The following ELP3 variants were observed in gnomAD, a reference collection of about 807,000 sequenced individuals.
The protein encoded by ELP3 is elongator acetyltransferase complex subunit 3, also known as elongator complex protein 3.
In ELP3, 56 loss-of-function variants were observed where a neutral mutation model predicts 74.9. The observed-to-expected ratio is 0.75, with a 90% CI of 0.60 to 0.93. The LOEUF is 0.93. ELP3 is among the 40% of genes least tolerant of loss of function. The pLI is 0.00. For synonymous variants in ELP3, 222 were observed against 239.8 expected (o/e 0.93, Z 0.68); for missense variants, 573 against 686.5 (o/e 0.83, Z 1.85).
In ELP3 at chr8:28,148,528, G is replaced by C. The variant is rs528797688; in HGVS notation, c.1101-7414G>C. ...ACTAGACACATCCAGTGAGAATAAA[G>C]ACTTTCTAACTGGATACCATTAAGT... On this transcript the variant is annotated intron_variant, in intron 10 of 14. Transcript: ENST00000256398. 7.9e-5 allele frequency among the ~76,000 whole-genome samples: 12 copies of C among 152,274 alleles called. No individual in the cohort carries two copies. In the East Asian group the frequency reaches 2.3e-3, roughly 29 times the overall value.
intron 7 of ELP3, among the ~76,000 whole-genome samples, chr8:28,126,559 C>G (rs989721754): frequency 6.6e-6 from 1 of 152,150 alleles, no homozygotes; most frequent in African/African-American, 2.4e-5. Flanking sequence ...CCTTGTCTCT[C>G]GAGAAGTTGA....
intron 14 of ELP3, among the ~76,000 whole-genome samples, chr8:28,189,370 G>T (rs1815367233): frequency 6.6e-6 from 1 of 152,224 alleles, no homozygotes; most frequent in African/African-American, 2.4e-5. Flanking sequence ...CAACACACGG[G>T]TGCACACGTT....
At position 28,124,021 on chromosome 8, in the gene ELP3, G is replaced by A. The variant is rs181063749; in HGVS notation, c.618-5481G>A. ...TCTGTTAACATTTGATGTAATTATTGATACATCAGTTTAAGCTGATGGTTT... is the reference window on the plus strand; with the variant it reads ...TCTGTTAACATTTGATGTAATTATTAATACATCAGTTTAAGCTGATGGTTT... On this transcript the variant is annotated intron_variant, in intron 7 of 14. Coordinates refer to ENST00000256398, the MANE Select transcript of ELP3 (RefSeq NM_018091.6). 1.4e-4 allele frequency among the ~76,000 whole-genome samples: 21 copies of A among 151,814 alleles called. No individual in the cohort carries two copies. In the East Asian group the frequency reaches 4.1e-3, roughly 29 times the overall value.
intron 9 of ELP3, 131 bp downstream of exon 9, chr8:28,132,535 A>C (rs1177696527): frequency 8.4e-7 from 1 of 1,190,802 alleles, no homozygotes; most frequent in Admixed American, 2.2e-5. Context: ...GAATATTAGA[A>C]ACACAGTAGG....
At chr8:28,150,430 G>T (rs1437953361) in intron 10 of ELP3, among the ~76,000 whole-genome samples, 1 of 152,028 alleles carries the variant, frequency 6.6e-6, no homozygotes, top group Non-Finnish European at 1.5e-5. Context: ...GTCTGAGAAA[G>T]CCTTTTTCTC....
intron 10 of ELP3, among the ~76,000 whole-genome samples, chr8:28,148,238 T>G (rs1261714256): frequency 6.6e-6 from 1 of 151,952 alleles, no homozygotes; most frequent in Admixed American, 6.6e-5. Context: ...GACACAGGAG[T>G]CATCAGTCAA....
intron 9 of ELP3, among the ~76,000 whole-genome samples, chr8:28,135,801 G>A (rs571603859): frequency 6.6e-6 from 1 of 152,126 alleles, no homozygotes; most frequent in Non-Finnish European, 1.5e-5. Flanking sequence ...TTTCGTTACT[G>A]TCTCCTTTTG....
At chr8:28,101,590 C>CTTTT (rs11406521) in intron 3 of ELP3, among the ~76,000 whole-genome samples, 2 of 143,028 alleles carry the variant, frequency 1.4e-5, no homozygotes, top group East Asian at 4.1e-4. Flanking sequence ...TCTTGACTTT[C>CTTTT]TTTTTTTTTT....
At chr8:28,156,107 T>C in intron 11 of ELP3, 75 bp downstream of exon 11, 2 of 1,203,808 alleles carry the variant, frequency 1.7e-6, no homozygotes, top group Admixed American at 3.8e-5. Flanking sequence ...ACTTTGCCAC[T>C]ACCACCCCTA....
rs201540756 is a variant in ELP3, at chr8:28,107,972, A to T, written c.389A>T (p.Tyr130Phe). 6.2e-7 allele frequency: 1 copy of T among 1,613,278 alleles called. No individual in the cohort carries two copies. The highest frequency in any genetic ancestry group is 8.5e-7 in the Non-Finnish European group (1 of 1,179,434). Reference sequence around the variant, plus strand: ...TATTCCACCCAGTCTTACACTGGCTATGAGGTACAGTAACTTTGAGGCTGT... The same window carrying T: ...TATTCCACCCAGTCTTACACTGGCTTTGAGGTACAGTAACTTTGAGGCTGT... Reference protein sequence around the residue: ...FEYSTQSYTGYEPTSMRAIRA... With the variant: ...FEYSTQSYTGFEPTSMRAIRA... Residue 130 changes from tyrosine to phenylalanine, a missense_variant, in exon 5 of 15, where the codon TAT becomes TTT. Tyr to Phe is a conservative substitution (Grantham distance 22). Coordinates refer to ENST00000256398, the MANE Select transcript of ELP3 (RefSeq NM_018091.6).
At chr8:28,093,034 T>C (rs1811101564), upstream of ELP3, 2 of 990,164 alleles carry the variant, frequency 2.0e-6, no homozygotes, top group East Asian at 2.6e-5. Context: ...CCTGCTACCC[T>C]GTTAGTTGCA....
At chr8:28,153,998 CAGA>C (rs1455342165) in intron 10 of ELP3, among the ~76,000 whole-genome samples, 2 of 152,260 alleles carry the variant, frequency 1.3e-5, no homozygotes, top group Admixed American at 1.3e-4. Context: ...ACTAAGGATA[CAGA>C]GAGGAGCACT....
chr8:28,146,259 T>G (rs1299102491), intron 10 of ELP3, among the ~76,000 whole-genome samples: 2 of 152,200 alleles, frequency 1.3e-5, no homozygotes, highest in Non-Finnish European at 2.9e-5. Context: ...TGGAGCCATA[T>G]TAAACTGTTG....
chr8:28,104,227 T>A (rs1811600261), intron 3 of ELP3, among the ~76,000 whole-genome samples: 1 of 152,258 alleles, frequency 6.6e-6, no homozygotes, highest in Non-Finnish European at 1.5e-5. Context: ...TTAAGAGTTC[T>A]TTGTATATCT....
At chr8:28,172,083 G>A (rs1814551635) in intron 14 of ELP3, among the ~76,000 whole-genome samples, 1 of 152,086 alleles carries the variant, frequency 6.6e-6, no homozygotes, top group Non-Finnish European at 1.5e-5. Flanking sequence ...TGGGAAGTAT[G>A]AGTCTCCAAC....
At chr8:28,169,904 C>T (rs891059600) in intron 14 of ELP3, among the ~76,000 whole-genome samples, 3 of 152,038 alleles carry the variant, frequency 2.0e-5, no homozygotes, top group African/African-American at 4.8e-5. Flanking sequence ...CGCCATCCCT[C>T]GTGGGCCCAT....
chr8:28,152,721 G>A (rs1045045630), intron 10 of ELP3, among the ~76,000 whole-genome samples: 16 of 152,284 alleles, frequency 1.1e-4, no homozygotes, highest in South Asian at 2.1e-4. Context: ...CAGGAGAATC[G>A]CTTGAACCTG....
intron 9 of ELP3, among the ~76,000 whole-genome samples, chr8:28,133,588 T>G (rs989161389): frequency 2.6e-5 from 4 of 152,192 alleles, no homozygotes; most frequent in Non-Finnish European, 5.9e-5. Flanking sequence ...GCCTTTTGTT[T>G]TTCTTCAGAT....
intron 3 of ELP3, among the ~76,000 whole-genome samples, chr8:28,104,439 G>A (rs1811606860): frequency 6.6e-6 from 1 of 152,196 alleles, no homozygotes; most frequent in Non-Finnish European, 1.5e-5. Flanking sequence ...TGTCATCTAA[G>A]CCTCAGACCT....
Sources: gnomAD v4.1 joint callset for allele counts (sites outside exome capture counted in the v4.1 genomes callset) on GRCh38, gnomAD v4.1.1 for gene constraint, MANE v1.5 for transcripts, NCBI Gene and HGNC (gene_info 2026-07-23, HGNC 2026-07-21) for gene names.